The following EPB41L3 variants were observed in gnomAD, a reference collection of about 807,000 sequenced individuals.
EPB41L3 encodes band 4.1-like protein 3.
Under a neutral mutation model 127.1 loss-of-function variants are expected in EPB41L3, and 57 were observed. That is an observed-to-expected ratio of 0.45 (90% CI 0.36 to 0.56). The LOEUF is 0.56. EPB41L3 is among the 20% of genes least tolerant of loss of function. EPB41L3 has a pLI of 0.00. For missense variants in EPB41L3, 1,273 were observed against 1,372.2 expected, an observed-to-expected ratio of 0.93 and a Z score of 1.14; for synonymous variants, 572 against 549.5, an observed-to-expected ratio of 1.04 and a Z score of -0.57.
At chr18:5,538,324 C>G (rs1040805728) in intron 1 of EPB41L3, among the ~76,000 whole-genome samples, 7 of 152,210 alleles carry the variant, frequency 4.6e-5, no homozygotes, top group African/African-American at 1.7e-4. Flanking sequence ...CCATTACTGT[C>G]TCCAGGATTT....
intron 12 of EPB41L3, among the ~76,000 whole-genome samples, chr18:5,418,580 A>G (rs1240089954): frequency 6.6e-6 from 1 of 152,216 alleles, no homozygotes; most frequent in African/African-American, 2.4e-5. Context: ...AACAAAATTT[A>G]GAACAAAGCA....
At chr18:5,425,170 G>A (rs528574506) in intron 9 of EPB41L3, among the ~76,000 whole-genome samples, 2 of 152,276 alleles carry the variant, frequency 1.3e-5, no homozygotes, top group East Asian at 3.9e-4. Context: ...GGGTACTACT[G>A]CTATAATCAA....
chr18:5,518,814 A>G (rs1030199921), intron 1 of EPB41L3, among the ~76,000 whole-genome samples: 1 of 152,224 alleles, frequency 6.6e-6, no homozygotes, highest in African/African-American at 2.4e-5. Context: ...TCGCTGCTTA[A>G]GAATGGGACC....
At chr18:5,419,075 T>C (rs2077159421) in intron 12 of EPB41L3, among the ~76,000 whole-genome samples, 1 of 152,228 alleles carries the variant, frequency 6.6e-6, no homozygotes, top group Non-Finnish European at 1.5e-5. Flanking sequence ...ACATAGTGTT[T>C]AAAAATGGTG....
chr18:5,466,662 T>C lies in EPB41L3; in HGVS notation c.381+11579A>G, dbSNP rs181626379. ...TCAACTCTGTGTCAAAAAGTGCTCA[T>C]AGATGCTGTTGATAAGCCTCAGAAT... On this transcript the variant is annotated intron_variant, in intron 3 of 22. Transcript: ENST00000341928. 3.4e-3 allele frequency among the ~76,000 whole-genome samples: 511 copies of C among 152,342 alleles called. 1 individual carries two copies. Among genetic ancestry groups the C allele is most frequent in the Non-Finnish European group, 4.0e-3 (270 of 68,036 alleles).
intron 2 of EPB41L3, among the ~76,000 whole-genome samples, chr18:5,484,086 CAAAAAAAAAAA>C (rs57231548): frequency 2.2e-3 from 40 of 18,278 alleles, no homozygotes; most frequent in Middle Eastern, 0.12. Flanking sequence ...CAAACAAACT[CAAAAAAAAAAA>C]AAAAAAAAAA....
intron 3 of EPB41L3, among the ~76,000 whole-genome samples, chr18:5,589,563 C>T (rs1211801995): frequency 6.6e-6 from 1 of 152,034 alleles, no homozygotes; most frequent in African/African-American, 2.4e-5. Context: ...GTAGTCTTAT[C>T]CAAATCTGTT....
chr18:5,498,605 A>AAAAAAAG (rs1440272536), intron 1 of EPB41L3, among the ~76,000 whole-genome samples: 6 of 150,100 alleles, frequency 4.0e-5, no homozygotes, highest in South Asian at 2.1e-4. Flanking sequence ...AAAAAAAAAA[A>AAAAAAAG]AAAAAAGAAA....
chr18:5,415,517 A>C (rs747773585), intron 13 of EPB41L3, among the ~76,000 whole-genome samples: 5 of 152,176 alleles, frequency 3.3e-5, no homozygotes, highest in Non-Finnish European at 7.3e-5. Context: ...CTTAGCCCTG[A>C]TCTTTTACAC....
intron 3 of EPB41L3, among the ~76,000 whole-genome samples, chr18:5,449,293 G>A (rs1009777973): frequency 1.8e-4 from 27 of 152,018 alleles, no homozygotes; most frequent in Non-Finnish European, 3.1e-4. Flanking sequence ...ACCTCCAAAC[G>A]TATGTTATAA....
chr18:5,445,307 G>T, intron 3 of EPB41L3, 63 bp from the exon 4 acceptor site: 1 of 1,285,578 alleles, frequency 7.8e-7, no homozygotes. Flanking sequence ...CCAAATATCA[G>T]AGATAAAACC....
upstream of EPB41L3, among the ~76,000 whole-genome samples, chr18:5,629,415 C>CCACACACACACACACA (rs61034629): frequency 9.7e-5 from 14 of 143,840 alleles, no homozygotes; most frequent in East Asian, 4.3e-4. Flanking sequence ...TCCTTACACA[C>CCACACACACACACACA]CACACACACA....
rs780756917 is a variant in EPB41L3 at position 5,416,210 on chromosome 18, C to G, written c.1675G>C (p.Asp559His). 4 of 1,614,160 alleles carry G rather than the reference C, an allele frequency of 2.5e-6. No homozygotes were observed. Among genetic ancestry groups the G allele is most frequent in the South Asian group, 2.2e-5 (2 of 91,082 alleles). ...HLPGEPALDS[D>H]GPGRPYLGDQ... ...CCTAGGTAAGGCCTCCCTGGGCCAT[C>G]AGAGTCCAAGGCGGGCTCTCCAGGC... Residue 559 changes from aspartate (D) to histidine (H), a missense_variant, in exon 13 of 23, where the codon GAT becomes CAT. Around this residue, in one of 3 missense-constraint regions of EPB41L3, gnomAD observed 765 missense variants for 782.9 expected, o/e 0.98. Transcript: ENST00000341928.
chr18:5,531,853 G>A (rs2093423713), intron 1 of EPB41L3, among the ~76,000 whole-genome samples: 1 of 152,162 alleles, frequency 6.6e-6, no homozygotes, highest in African/African-American at 2.4e-5. Context: ...TTAGCTTGAG[G>A]TGAGTCCACA....
At chr18:5,469,602 C>T (rs1341123486) in intron 3 of EPB41L3, among the ~76,000 whole-genome samples, 4 of 152,098 alleles carry the variant, frequency 2.6e-5, no homozygotes, top group East Asian at 1.9e-4. Flanking sequence ...GTCGAGTGGG[C>T]GGAATGAGCC....
intron 1 of EPB41L3, among the ~76,000 whole-genome samples, chr18:5,530,635 T>TCACATCCGACACCCTCCTGTCCAGC (rs2093380718): frequency 6.6e-6 from 1 of 152,010 alleles, no homozygotes; most frequent in Non-Finnish European, 1.5e-5. Flanking sequence ...CGCTGGTCAG[T>TCACATCCGACACCCTCCTGTCCAGC]CACCTCCGAC....
chr18:5,451,880 C>A (rs2082317821), intron 3 of EPB41L3, among the ~76,000 whole-genome samples: 1 of 152,220 alleles, frequency 6.6e-6, no homozygotes, highest in Non-Finnish European at 1.5e-5. Flanking sequence ...ACTCTGTTGC[C>A]CCGGCTGGAG....
chr18:5,623,805 A>G (rs1240049597), intron 1 of EPB41L3, among the ~76,000 whole-genome samples: 5 of 151,944 alleles, frequency 3.3e-5, no homozygotes, highest in Non-Finnish European at 7.4e-5. Flanking sequence ...GAGCCACCAC[A>G]CCAGGCTAAT....
At chr18:5,488,030 T>G (rs1400403332) in intron 2 of EPB41L3, among the ~76,000 whole-genome samples, 1 of 152,174 alleles carries the variant, frequency 6.6e-6, no homozygotes, top group Admixed American at 6.5e-5. Flanking sequence ...ACATTTTGAT[T>G]CCAAGTTTGA....
Sources: allele counts gnomAD v4.1 joint callset (sites outside exome capture counted in the v4.1 genomes callset), GRCh38; gene constraint gnomAD v4.1.1; regional missense constraint gnomAD v4.1.1; transcripts MANE v1.5; gene names NCBI Gene and HGNC (gene_info 2026-07-23, HGNC 2026-07-21).